F13A1: variants seen among roughly 807,000 people sequenced by gnomAD.
F13A1 encodes the protein coagulation factor XIII A chain, also known as FSF, A subunit.
A neutral mutation model predicts 80.1 loss-of-function variants in F13A1; 47 were observed. The observed-to-expected ratio is 0.59, with a 90% CI of 0.46 to 0.75. The LOEUF (loss-of-function observed/expected upper bound fraction) is 0.75. Ranked by LOEUF, F13A1 falls within the 30% of genes least tolerant of loss-of-function variation. The pLI is 0.00. For missense variants in F13A1, 817 were observed against 930.4 expected (o/e 0.88, Z 1.59); for synonymous variants, 349 against 344.9 (o/e 1.01, Z -0.13).
chr6:6,242,281 A>C (rs1267212156), intron 6 of F13A1, among the ~76,000 whole-genome samples: 1 of 152,184 alleles, frequency 6.6e-6, no homozygotes, highest in Non-Finnish European at 1.5e-5. Flanking sequence ...GCTGAAGTTC[A>C]AGATTTTTTT....
intron 6 of F13A1, among the ~76,000 whole-genome samples, chr6:6,233,630 G>C (rs769208006): frequency 9.9e-5 from 15 of 151,984 alleles, no homozygotes; most frequent in Non-Finnish European, 1.9e-4. Flanking sequence ...CAAAAACCAG[G>C]AAAGGATATA....
intron 3 of F13A1, among the ~76,000 whole-genome samples, chr6:6,299,569 G>T (rs7742730): frequency 0.088 from 11,318 of 128,672 alleles, 644 homozygotes; most frequent in East Asian, 0.17. Flanking sequence ...CATTCTTCAC[G>T]TAGTTCTCGA....
rs886061656 is a variant in F13A1 at position 6,144,991 on chromosome 6, C to T, written c.*628G>A. On this transcript the variant is annotated 3_prime_UTR_variant, in exon 15 of 15. Transcript: ENST00000264870. The stretch of plus-strand genomic sequence containing the variant: ...TATCTCCTTGTAGGTGGTTAAGTTT[C>T]CCACAAATGCAATTTGTTAATATGG... The T allele has an allele frequency of 2.5e-5, 4 of 157,322 alleles. No homozygotes were observed. Among genetic ancestry groups the T allele is most frequent in the Non-Finnish European group, 5.6e-5 (4 of 71,052 alleles). 9.7% of individuals were successfully genotyped at this position (157,322 alleles called of 1,614,324 possible).
intron 3 of F13A1, among the ~76,000 whole-genome samples, chr6:6,267,933 G>C (rs1448359001): frequency 6.6e-6 from 1 of 152,074 alleles, no homozygotes; most frequent in Non-Finnish European, 1.5e-5. Context: ...TTCTACTTTT[G>C]TTGGGAACAT....
In F13A1 at chr6:6,162,160, A is replaced by G. The variant is rs534531354; in HGVS notation, c.1908+5298T>C. Among the ~76,000 whole-genome samples, 3 of 152,242 alleles carry G rather than the reference A, an allele frequency of 2.0e-5. No individual in the cohort carries two copies. The highest frequency in any genetic ancestry group is 6.5e-5 in the Admixed American group (1 of 15,294). On this transcript the variant is annotated intron_variant, in intron 13 of 14. Coordinates refer to ENST00000264870, the MANE Select transcript of F13A1 (RefSeq NM_000129.4). The surrounding 1 kb of genome is among the most constrained non-coding windows in gnomAD (Gnocchi z 4.2). ...AAACTCCCTTGAAGCCTCTTTGTTC[A>G]GAGAGTCGATGATAAAGCTCTCATC...
intron 6 of F13A1, among the ~76,000 whole-genome samples, chr6:6,232,631 C>T (rs1757368029): frequency 6.6e-6 from 1 of 152,108 alleles, no homozygotes; most frequent in African/African-American, 2.4e-5. Context: ...AACATTTTAT[C>T]CAACAACCAC....
intron 2 of F13A1, among the ~76,000 whole-genome samples, chr6:6,315,487 A>G (rs1758666355): frequency 6.6e-6 from 1 of 152,064 alleles, no homozygotes; most frequent in South Asian, 2.1e-4. Flanking sequence ...GGAAACTTAC[A>G]TGAGTTTATA....
chr6:6,181,907 T>C, intron 11 of F13A1, 81 bp downstream of exon 11: 3 of 1,510,486 alleles, frequency 2.0e-6, no homozygotes, highest in Non-Finnish European at 2.8e-6. Context: ...GTGCATTCTC[T>C]GGAACTCATC....
intron 7 of F13A1, among the ~76,000 whole-genome samples, chr6:6,223,364 G>T (rs1009878940): frequency 6.6e-6 from 1 of 152,214 alleles, no homozygotes; most frequent in Non-Finnish European, 1.5e-5. Flanking sequence ...TAGTGAAATT[G>T]TAGGCATGGG....
chr6:6,148,127 A>C (rs1039413611), intron 14 of F13A1, among the ~76,000 whole-genome samples: 3 of 152,186 alleles, frequency 2.0e-5, no homozygotes, highest in Admixed American at 1.3e-4. Context: ...AACATATTGA[A>C]CTGGATCATT....
chr6:6,230,341 C>T (rs985949718), intron 6 of F13A1, among the ~76,000 whole-genome samples: 1 of 152,024 alleles, frequency 6.6e-6, no homozygotes, highest in African/African-American at 2.4e-5. Flanking sequence ...TCCCTGACAA[C>T]CTGCATGACT....
intron 10 of F13A1, among the ~76,000 whole-genome samples, chr6:6,189,995 C>G (rs939814884): frequency 1.3e-5 from 2 of 152,306 alleles, no homozygotes; most frequent in Admixed American, 1.3e-4. Context: ...CGCTGATACC[C>G]TTTCTTCCAG....
intron 6 of F13A1, among the ~76,000 whole-genome samples, chr6:6,230,190 C>T (rs377377425): frequency 3.9e-5 from 6 of 152,086 alleles, no homozygotes; most frequent in Middle Eastern, 3.4e-3. Flanking sequence ...GTGGGTAGAC[C>T]GGGTCAGGTT....
chr6:6,245,715 A>AC (rs1438424947), intron 6 of F13A1, among the ~76,000 whole-genome samples: 5 of 151,676 alleles, frequency 3.3e-5, no homozygotes, highest in Non-Finnish European at 7.4e-5. Context: ...ACCCAGCTCC[A>AC]CTCTCTCCAG....
intron 13 of F13A1, among the ~76,000 whole-genome samples, chr6:6,155,589 T>C (rs2151069487): frequency 6.6e-6 from 1 of 152,072 alleles, no homozygotes; most frequent in East Asian, 1.9e-4. Flanking sequence ...TGACTACTGA[T>C]GATAATGAGC....
chr6:6,167,304 CA>C (rs1760690392), intron 13 of F13A1, among the ~76,000 whole-genome samples, 153 bp downstream of exon 13: 1 of 147,268 alleles, frequency 6.8e-6, no homozygotes. Flanking sequence ...TTTCAAAGAA[CA>C]AGAGGATCCT....
At chr6:6,230,042 G>T (rs1487645086) in intron 6 of F13A1, among the ~76,000 whole-genome samples, 1 of 152,216 alleles carries the variant, frequency 6.6e-6, no homozygotes, top group Non-Finnish European at 1.5e-5. Flanking sequence ...ACATGGAGAA[G>T]GAAATCTCTA....
intron 2 of F13A1, among the ~76,000 whole-genome samples, chr6:6,307,049 T>C (rs1002623068): frequency 3.9e-5 from 6 of 152,216 alleles, no homozygotes; most frequent in South Asian, 2.1e-4. Context: ...TACTTTACCT[T>C]TCAGAATCTG....
At chr6:6,240,860 T>C (rs1757475155) in intron 6 of F13A1, among the ~76,000 whole-genome samples, 2 of 152,208 alleles carry the variant, frequency 1.3e-5, no homozygotes, top group South Asian at 4.1e-4. Flanking sequence ...CATTTTAGAA[T>C]CATAGAAATG....
Sources: allele counts gnomAD v4.1 joint callset (sites outside exome capture counted in the v4.1 genomes callset), GRCh38; gene constraint gnomAD v4.1.1; non-coding constraint Gnocchi (gnomAD v3.1); transcripts MANE v1.5; gene names NCBI Gene and HGNC (gene_info 2026-07-23, HGNC 2026-07-21).